Variants in METAP1D observed in about 807,000 individuals in gnomAD.
METAP1D encodes methionyl aminopeptidase type 1D, mitochondrial.
Under a neutral mutation model 40.5 loss-of-function variants are expected in METAP1D, and 31 were observed. That is an observed-to-expected ratio of 0.77 (90% confidence interval 0.58 to 1.03). The LOEUF (loss-of-function observed/expected upper bound fraction) is 1.03, where lower values mean the gene tolerates loss of function less well. Among genes scored for constraint, METAP1D ranks in the 50% least tolerant of loss-of-function variants. The probability of loss-of-function intolerance (pLI) is 0.00; values close to 1 mark genes in which losing one functional copy is unlikely to be tolerated. For missense variants in METAP1D, 411 were observed against 420.7 expected (o/e 0.98, Z 0.20); for synonymous variants, 151 against 146.4 (o/e 1.03, Z -0.22).
intron 5 of METAP1D, among the ~76,000 whole-genome samples, chr2:172,067,959 G>A (rs955480521): frequency 2.6e-5 from 4 of 152,142 alleles, no homozygotes; most frequent in African/African-American, 7.2e-5. Context: ...AATACTCATT[G>A]CATCTTAGAA....
At position 172,066,281 on chromosome 2, in the gene METAP1D, G is replaced by T; in HGVS notation, c.515G>T (p.Gly172Val). 1 of 1,611,614 alleles carries T rather than the reference G, an allele frequency of 6.2e-7. No homozygotes were observed. Residue 172 changes from glycine to valine, a missense_variant, in exon 5 of 10, where the codon GGA becomes GTA. By Grantham distance (109) the Gly-to-Val change is moderately radical (BLOSUM62 -3). Transcript: ENST00000315796. ...GIPDSRPLQD[G>V]DIINIDVTVY... ...CGTTTTAGTCGACCTCTTCAGGATGGAGATATTATCAACATTGATGTCACA... is the reference window on the plus strand; with the variant it reads ...CGTTTTAGTCGACCTCTTCAGGATGTAGATATTATCAACATTGATGTCACA...
intron 6 of METAP1D, among the ~76,000 whole-genome samples, chr2:172,073,186 C>T (rs994530474): frequency 5.3e-5 from 8 of 152,118 alleles, no homozygotes; most frequent in African/African-American, 9.7e-5. Context: ...ATTCAAGTGG[C>T]GGCTGGGTGC....
At chr2:172,074,097 C>T (rs1254087501) in intron 6 of METAP1D, among the ~76,000 whole-genome samples, 1 of 152,076 alleles carries the variant, frequency 6.6e-6, no homozygotes, top group East Asian at 1.9e-4. Flanking sequence ...CACTGTATCT[C>T]CATTTGCTTT....
chr2:172,066,758 A>G (rs1574139730), intron 5 of METAP1D, among the ~76,000 whole-genome samples: 1 of 152,190 alleles, frequency 6.6e-6, no homozygotes, highest in Non-Finnish European at 1.5e-5. Context: ...GCCTGTCATT[A>G]TCTTACTCTG....
intron 1 of METAP1D, among the ~76,000 whole-genome samples, chr2:172,041,724 TTTTA>T (rs1408486577): frequency 3.9e-5 from 1 of 25,420 alleles, no homozygotes; most frequent in African/African-American, 1.1e-4. Context: ...ACTCTAATTA[TTTTA>T]TATATATATA....
At chr2:172,036,292 G>A (rs112432457) in intron 1 of METAP1D, among the ~76,000 whole-genome samples, 69,563 of 145,806 alleles carry the variant, frequency 0.48, 17,766 homozygotes, top group East Asian at 0.83. Flanking sequence ...ACTCCAGCCT[G>A]GGCGACAGAG....
intron 8 of METAP1D, 119 bp from the exon 9 acceptor site, chr2:172,080,009 C>A: frequency 1.2e-6 from 1 of 802,686 alleles, no homozygotes; most frequent in Non-Finnish European, 2.0e-6. Context: ...CAACATGAGC[C>A]TGTGGGGGAA....
At chr2:172,021,180 TAA>T (rs1688998009) in intron 1 of METAP1D, among the ~76,000 whole-genome samples, 1 of 152,158 alleles carries the variant, frequency 6.6e-6, no homozygotes, top group Admixed American at 6.6e-5. Context: ...CACGTTTAGG[TAA>T]AAAGATATTG....
chr2:172,066,811 A>G (rs1057004468), intron 5 of METAP1D, among the ~76,000 whole-genome samples: 5 of 152,186 alleles, frequency 3.3e-5, no homozygotes, highest in African/African-American at 1.2e-4. Flanking sequence ...GTCTATTTGG[A>G]CAGCAACTCT....
intron 1 of METAP1D, among the ~76,000 whole-genome samples, chr2:172,001,516 C>T (rs1008487643): frequency 6.6e-5 from 10 of 150,402 alleles, no homozygotes; most frequent in Non-Finnish European, 3.0e-5. Context: ...CTAGCCTGGG[C>T]GACAGAGCGA....
At chr2:172,074,155 A>G (rs1376249680) in intron 6 of METAP1D, among the ~76,000 whole-genome samples, 3 of 152,196 alleles carry the variant, frequency 2.0e-5, no homozygotes, top group African/African-American at 7.2e-5. Flanking sequence ...AGATTATACA[A>G]TCTGTACATA....
At chr2:172,068,641 G>A (rs546913732) in intron 5 of METAP1D, among the ~76,000 whole-genome samples, 139 of 151,846 alleles carry the variant, frequency 9.2e-4, no homozygotes, top group African/African-American at 3.2e-3. Flanking sequence ...AGCCTCCCCA[G>A]TAACTGAGAC....
At position 172,007,002 on chromosome 2, in the gene METAP1D, TTCA is replaced by T. The variant is rs550676718; in HGVS notation, c.40+6996_40+6998del. Reference sequence around the variant, plus strand: ...ATTTCCCACCTGTTCACTCATTATGTTCATCTTTTCCTTTAAGTACTTGAACAT... The same window carrying T: ...ATTTCCCACCTGTTCACTCATTATGTTCTTTTCCTTTAAGTACTTGAACAT... On this transcript the variant is annotated intron_variant, in intron 1 of 9. Transcript: ENST00000315796. Among the ~76,000 whole-genome samples the T allele has an allele frequency of 4.1e-4, 62 of 152,294 alleles. No individual in the cohort carries two copies. The East Asian group carries it at 0.012, about 29-fold the overall frequency.
chr2:172,052,397 G>A (rs1689904671), intron 1 of METAP1D, among the ~76,000 whole-genome samples: 1 of 152,172 alleles, frequency 6.6e-6, no homozygotes, highest in Admixed American at 6.5e-5. Flanking sequence ...GGGAAAAGGA[G>A]GCTCTTTACC....
intron 1 of METAP1D, among the ~76,000 whole-genome samples, chr2:172,023,056 C>T (rs1558997964): frequency 6.6e-6 from 1 of 152,140 alleles, no homozygotes; most frequent in Non-Finnish European, 1.5e-5. Flanking sequence ...GGCGTGGTGG[C>T]ACATGCCTGT....
chr2:172,066,303 C>T lies in METAP1D; in HGVS notation c.537C>T (p.Val179=). 6.2e-7 allele frequency: 1 copy of T among 1,609,942 alleles called. No homozygotes were observed. The highest frequency in any genetic ancestry group is 8.5e-7 in the Non-Finnish European group (1 of 1,178,232). The change falls in exon 5 of 10, where the codon GTC becomes GTT. Residue 179 remains valine, a synonymous_variant. Coordinates refer to ENST00000315796, the MANE Select transcript of METAP1D (RefSeq NM_199227.3). ...ATGGAGATATTATCAACATTGATGT[C>T]ACAGTGAGTAAATCATATAAAAAAT... The part of the protein sequence containing the change: ...LQDGDIINID[V]TVYYNGYHGD...
Position 172,080,637 on chromosome 2 carries a change from G to A in METAP1D, c.*231G>A, listed in dbSNP as rs1363587442. 2 of 601,778 alleles carry A rather than the reference G, an allele frequency of 3.3e-6. No homozygotes were observed. The highest frequency in any genetic ancestry group is 1.9e-5 in the African/African-American group (1 of 53,780). The allele number at this position is 601,778 out of a possible 1,614,324, so 37.3% of individuals were successfully genotyped here. On this transcript the variant is annotated 3_prime_UTR_variant, in exon 10 of 10. Transcript: ENST00000315796. ...AAAACAAATCCTGGCCCTGGACTCGGTTTCCCAGCGCGGTCAACGCATCTG... is the reference window on the plus strand; with the variant it reads ...AAAACAAATCCTGGCCCTGGACTCGATTTCCCAGCGCGGTCAACGCATCTG...
intron 2 of METAP1D, 180 bp downstream of exon 2, chr2:172,061,835 A>AT: frequency 2.3e-6 from 1 of 441,206 alleles, no homozygotes; most frequent in Non-Finnish European, 3.9e-6. Context: ...TATAGCATTA[A>AT]TTTTTTAAAA....
intron 1 of METAP1D, among the ~76,000 whole-genome samples, chr2:172,052,506 C>T (rs1325287935): frequency 6.6e-6 from 1 of 152,152 alleles, no homozygotes; most frequent in Non-Finnish European, 1.5e-5. Flanking sequence ...ACATGGCTCG[C>T]TCTGTATTTT....
Sources: allele counts gnomAD v4.1 joint callset (sites outside exome capture counted in the v4.1 genomes callset), GRCh38; gene constraint gnomAD v4.1.1; transcripts MANE v1.5; gene names NCBI Gene and HGNC (gene_info 2026-07-23, HGNC 2026-07-21).